The following TRPS1 variants were observed in gnomAD, a reference collection of about 807,000 sequenced individuals.
TRPS1 encodes zinc finger transcription factor Trps1.
A neutral mutation model predicts 101.2 loss-of-function variants in TRPS1; 6 were observed. The observed-to-expected ratio is 0.06, with a 90% CI of 0.03 to 0.12. The LOEUF (loss-of-function observed/expected upper bound fraction) is 0.12. Ranked by LOEUF, TRPS1 falls within the 10% of genes least tolerant of loss-of-function variation. The probability of loss-of-function intolerance (pLI) is 1.00; values close to 1 mark genes in which losing one functional copy is unlikely to be tolerated. For synonymous variants in TRPS1, 578 were observed against 589.8 expected, an observed-to-expected ratio of 0.98 and a Z score of 0.29; for missense variants, 1,363 against 1,567.0, an observed-to-expected ratio of 0.87 and a Z score of 2.20.
chr8:115,457,724 T>C (rs1814064957), intron 5 of TRPS1, among the ~76,000 whole-genome samples: 2 of 152,190 alleles, frequency 1.3e-5, no homozygotes, highest in African/African-American at 4.8e-5. Context: ...CCACTAACGC[T>C]GGACCCAATT....
At chr8:115,565,781 G>A (rs1191260909) in intron 5 of TRPS1, among the ~76,000 whole-genome samples, 3 of 152,060 alleles carry the variant, frequency 2.0e-5, no homozygotes, top group African/African-American at 4.8e-5. Context: ...GCTCACAAAT[G>A]AGGTAACTCA....
intron 3 of TRPS1, among the ~76,000 whole-genome samples, chr8:115,614,908 A>G (rs1818244538): frequency 1.3e-5 from 2 of 152,230 alleles, no homozygotes; most frequent in African/African-American, 4.8e-5. Flanking sequence ...AAACGATTGT[A>G]CTGATACATG....
At chr8:115,609,174 G>A (rs1818106735) in intron 3 of TRPS1, among the ~76,000 whole-genome samples, 1 of 151,952 alleles carries the variant, frequency 6.6e-6, no homozygotes, top group Non-Finnish European at 1.5e-5. Context: ...ATTTTGTTAG[G>A]GAATACCATA....
At chr8:115,568,728 G>A (rs976122425) in intron 5 of TRPS1, among the ~76,000 whole-genome samples, 3 of 152,074 alleles carry the variant, frequency 2.0e-5, no homozygotes, top group African/African-American at 7.2e-5. Context: ...GAAATTTAAT[G>A]ATTACATAAC....
At chr8:115,660,809 A>G (rs918929721) in intron 1 of TRPS1, among the ~76,000 whole-genome samples, 2 of 151,960 alleles carry the variant, frequency 1.3e-5, no homozygotes, top group African/African-American at 4.8e-5. Context: ...GACTGTGTCA[A>G]TTACCCTAGA....
chr8:115,544,173 A>G (rs1488793643), intron 5 of TRPS1, among the ~76,000 whole-genome samples: 1 of 150,248 alleles, frequency 6.7e-6, no homozygotes, highest in Admixed American at 6.7e-5. Flanking sequence ...AAGAGGAAGG[A>G]TCTAGTATGA....
Position 115,447,825 on chromosome 8 carries a change from G to A in TRPS1, c.2701-29373C>T, listed in dbSNP as rs533494138. On this transcript the variant is annotated intron_variant, in intron 5 of 6. Transcript: ENST00000395715. Reference sequence around the variant, plus strand: ...CAGTGTCACCTACTATGAAATCACTGTACAGAGATCTAGGTCCATTCTTTT... The same window carrying A: ...CAGTGTCACCTACTATGAAATCACTATACAGAGATCTAGGTCCATTCTTTT... Among the ~76,000 whole-genome samples the A allele has an allele frequency of 1.5e-3, 231 of 152,156 alleles. 2 individuals carry two copies. Among genetic ancestry groups the A allele is most frequent in the Middle Eastern group, 6.8e-3 (2 of 292 alleles).
intron 4 of TRPS1, among the ~76,000 whole-genome samples, chr8:115,599,874 T>A (rs1244958812): frequency 2.2e-5 from 3 of 135,570 alleles, no homozygotes; most frequent in Non-Finnish European, 3.4e-5. Flanking sequence ...GATTGCTGGG[T>A]CAAATGGTAT....
intron 5 of TRPS1, among the ~76,000 whole-genome samples, chr8:115,423,125 T>C (rs1477621544): frequency 1.3e-5 from 2 of 152,326 alleles, no homozygotes; most frequent in African/African-American, 2.4e-5. Context: ...TGAAGGAGGA[T>C]TGGCTGAAAA....
Position 115,413,972 on chromosome 8 carries a change from A to C in TRPS1, c.*51T>G. ...TTCATAAGACATTACAAGCTATTGA[A>C]TTCCCATCAAGAAAACCTATTTCTA... is the stretch of plus-strand genomic sequence containing the variant. On this transcript the variant is annotated 3_prime_UTR_variant, in exon 7 of 7. Coordinates refer to ENST00000395715, the MANE Select transcript of TRPS1 (RefSeq NM_014112.5). 1.3e-6 allele frequency: 2 copies of C among 1,577,266 alleles called. No individual in the cohort carries two copies. Among genetic ancestry groups the C allele is most frequent in the Non-Finnish European group, 1.7e-6 (2 of 1,152,888 alleles).
chr8:115,566,250 T>C (rs562593488), intron 5 of TRPS1, among the ~76,000 whole-genome samples: 5 of 152,282 alleles, frequency 3.3e-5, no homozygotes, highest in South Asian at 2.1e-4. Context: ...ATGGCCTTGA[T>C]AGAAGAGCCT....
intron 5 of TRPS1, among the ~76,000 whole-genome samples, chr8:115,420,339 C>T (rs1813022542): frequency 6.6e-6 from 1 of 152,174 alleles, no homozygotes; most frequent in Non-Finnish European, 1.5e-5. Flanking sequence ...TGGGGACTCC[C>T]TTTGTGCAAA....
At chr8:115,488,960 T>G (rs1814955151) in intron 5 of TRPS1, among the ~76,000 whole-genome samples, 1 of 152,198 alleles carries the variant, frequency 6.6e-6, no homozygotes. Context: ...CAGGCTGCAG[T>G]TACTTCTATT....
chr8:115,432,566 A>G (rs956468139), intron 5 of TRPS1, among the ~76,000 whole-genome samples: 1 of 151,950 alleles, frequency 6.6e-6, no homozygotes, highest in African/African-American at 2.4e-5. Flanking sequence ...AACAGAATGG[A>G]CTGATTAGTA....
intron 3 of TRPS1, among the ~76,000 whole-genome samples, chr8:115,618,665 A>G (rs992712703): frequency 1.3e-5 from 2 of 152,240 alleles, no homozygotes; most frequent in Non-Finnish European, 2.9e-5. Context: ...GCAACCATCA[A>G]TATGAACCGT....
intron 5 of TRPS1, among the ~76,000 whole-genome samples, chr8:115,558,878 T>G: frequency 6.6e-6 from 1 of 152,150 alleles, no homozygotes; most frequent in East Asian, 1.9e-4. Flanking sequence ...TGGTATTTTT[T>G]TAAAGGATAA....
At chr8:115,540,039 A>AC (rs1318013492) in intron 5 of TRPS1, among the ~76,000 whole-genome samples, 1 of 152,216 alleles carries the variant, frequency 6.6e-6, no homozygotes, top group Non-Finnish European at 1.5e-5. Flanking sequence ...AACTTCACAC[A>AC]CCACCTCTTG....
chr8:115,482,164 C>T (rs1814769872), intron 5 of TRPS1, among the ~76,000 whole-genome samples: 1 of 152,120 alleles, frequency 6.6e-6, no homozygotes, highest in African/African-American at 2.4e-5. Context: ...ATTAGCTTTG[C>T]TCTTTGAATA....
chr8:115,539,364 C>A (rs143761301), intron 5 of TRPS1, among the ~76,000 whole-genome samples: 1 of 152,326 alleles, frequency 6.6e-6, no homozygotes, highest in African/African-American at 2.4e-5. Context: ...TTAGCTTCAG[C>A]TATCTAATTT....
Sources: gnomAD v4.1 joint callset for allele counts (sites outside exome capture counted in the v4.1 genomes callset) on GRCh38, gnomAD v4.1.1 for gene constraint, MANE v1.5 for transcripts, NCBI Gene and HGNC (gene_info 2026-07-23, HGNC 2026-07-21) for gene names.